The following PTGFR variants were observed in gnomAD, a reference collection of about 807,000 sequenced individuals.
PTGFR encodes the protein prostaglandin F receptor.
Under a neutral mutation model 26.2 loss-of-function variants are expected in PTGFR, and 15 were observed. The observed-to-expected ratio is 0.57, with a 90% CI of 0.38 to 0.88. The LOEUF (loss-of-function observed/expected upper bound fraction) is 0.88, where lower values mean the gene tolerates loss of function less well. PTGFR is among the 40% of genes least tolerant of loss of function. PTGFR has a pLI of 0.00. For synonymous variants in PTGFR, 165 were observed against 151.1 expected (o/e 1.09, Z -0.68); for missense variants, 369 against 427.2 (o/e 0.86, Z 1.20).
intron 2 of PTGFR, among the ~76,000 whole-genome samples, chr1:78,515,727 T>C (rs1650076802): frequency 1.3e-5 from 2 of 152,218 alleles, no homozygotes; most frequent in South Asian, 2.1e-4. Context: ...TATATGACCA[T>C]AGATTTTGTG....
intron 2 of PTGFR, among the ~76,000 whole-genome samples, chr1:78,499,763 A>T (rs1322932): frequency 0.029 from 4,398 of 152,332 alleles, 223 homozygotes; most frequent in African/African-American, 0.1. Context: ...GAGGAATTTC[A>T]TGGACATACT....
chr1:78,514,790 A>T (rs1483536930), intron 2 of PTGFR, among the ~76,000 whole-genome samples: 2 of 152,154 alleles, frequency 1.3e-5, no homozygotes, highest in African/African-American at 4.8e-5. Context: ...ATTTAGCGCC[A>T]ATGCCTTGGT....
intron 2 of PTGFR, among the ~76,000 whole-genome samples, chr1:78,510,214 A>G (rs755637218): frequency 6.6e-6 from 1 of 152,194 alleles, no homozygotes; most frequent in East Asian, 1.9e-4. Context: ...TGGAGGATGA[A>G]TGCATTAGTG....
chr1:78,496,933 G>A (rs1201314186), intron 2 of PTGFR, among the ~76,000 whole-genome samples: 2 of 122,482 alleles, frequency 1.6e-5, no homozygotes, highest in South Asian at 2.6e-4. Flanking sequence ...CTTTGTTGTG[G>A]CATATTTGTT....
In PTGFR at chr1:78,539,341, A is replaced by G. The variant is rs1203573632; in HGVS notation, c.*2654A>G. The G allele has an allele frequency of 6.6e-6, 1 of 152,124 alleles. No homozygotes were observed. The highest frequency in any genetic ancestry group is 1.5e-5 in the Non-Finnish European group (1 of 67,992). 9.4% of individuals were successfully genotyped at this position (152,124 alleles called of 1,614,324 possible). On this transcript the variant is annotated 3_prime_UTR_variant, in exon 3 of 3. Coordinates refer to ENST00000370757, the MANE Select transcript of PTGFR (RefSeq NM_000959.4). ...GTGCCTACTCTGAGTTTAGAACCCAAATAAGAGGACTTGTTAAATATAGAG... is the reference window on the plus strand; with the variant it reads ...GTGCCTACTCTGAGTTTAGAACCCAGATAAGAGGACTTGTTAAATATAGAG...
chr1:78,534,979 G>A (rs1421209112), intron 2 of PTGFR, among the ~76,000 whole-genome samples: 1 of 152,166 alleles, frequency 6.6e-6, no homozygotes, highest in African/African-American at 2.4e-5. Flanking sequence ...AAGTCAGGCT[G>A]TGGAATAACC....
intron 1 of PTGFR, among the ~76,000 whole-genome samples, 156 bp from the exon 2 acceptor site, chr1:78,492,516 C>A (rs1649429439): frequency 6.6e-6 from 1 of 152,196 alleles, no homozygotes; most frequent in Non-Finnish European, 1.5e-5. Flanking sequence ...AAATGTGGAA[C>A]CGCAGGCAGA....
chr1:78,515,308 G>A (rs1408676153), intron 2 of PTGFR, among the ~76,000 whole-genome samples: 1 of 151,948 alleles, frequency 6.6e-6, no homozygotes, highest in Non-Finnish European at 1.5e-5. Context: ...AGAGGGGAGG[G>A]GGATTAACGT....
chr1:78,535,963 C>G (rs1475767330), intron 2 of PTGFR, among the ~76,000 whole-genome samples: 2 of 152,104 alleles, frequency 1.3e-5, no homozygotes, highest in Admixed American at 1.3e-4. Flanking sequence ...TAAAATTTGT[C>G]ATATACCATT....
intron 2 of PTGFR, among the ~76,000 whole-genome samples, chr1:78,529,329 A>G (rs965977386): frequency 1.3e-5 from 2 of 152,156 alleles, no homozygotes; most frequent in African/African-American, 4.8e-5. Flanking sequence ...TCTTTAATTC[A>G]TAGATGGGAT....
chr1:78,506,465 T>C (rs1344710351), intron 2 of PTGFR, among the ~76,000 whole-genome samples: 1 of 152,090 alleles, frequency 6.6e-6, no homozygotes, highest in African/African-American at 2.4e-5. Context: ...AGGGAAATTC[T>C]TATTTTTCCA....
intron 2 of PTGFR, among the ~76,000 whole-genome samples, chr1:78,523,845 G>T (rs1452278245): frequency 6.6e-6 from 1 of 152,094 alleles, no homozygotes; most frequent in Non-Finnish European, 1.5e-5. Context: ...AGACTCAAAG[G>T]GTTTTTCACA....
In PTGFR at chr1:78,534,469, A is replaced by G. The variant is rs557318076; in HGVS notation, c.799-1937A>G. On this transcript the variant is annotated intron_variant, in intron 2 of 2. Coordinates refer to ENST00000370757, the MANE Select transcript of PTGFR (RefSeq NM_000959.4). ...ACATCCATAGAGATGTACACAAATA[A>G]TCCACATTAGTTTTGATTCTTTAGT... 4.4e-4 allele frequency among the ~76,000 whole-genome samples: 67 copies of G among 152,228 alleles called. No individual in the cohort carries two copies. The South Asian group carries it at 0.014, about 32-fold the overall frequency.
intron 2 of PTGFR, among the ~76,000 whole-genome samples, chr1:78,518,417 T>A (rs541911321): frequency 6.5e-4 from 99 of 152,234 alleles, no homozygotes; most frequent in African/African-American, 2.2e-3. Context: ...CACAGCTTTA[T>A]ACACACAAAA....
At chr1:78,531,321 T>C (rs1650501134) in intron 2 of PTGFR, among the ~76,000 whole-genome samples, 1 of 152,104 alleles carries the variant, frequency 6.6e-6, no homozygotes, top group African/African-American at 2.4e-5. Flanking sequence ...TGTAGCACCT[T>C]GAATCCCACC....
chr1:78,500,076 T>A (rs539826715), intron 2 of PTGFR, among the ~76,000 whole-genome samples: 5 of 152,144 alleles, frequency 3.3e-5, no homozygotes, highest in South Asian at 4.1e-4. Flanking sequence ...TTTTTTGGTA[T>A]TTTATCTCTG....
At chr1:78,518,530 G>C (rs927518793) in intron 2 of PTGFR, among the ~76,000 whole-genome samples, 1 of 147,092 alleles carries the variant, frequency 6.8e-6, no homozygotes, top group Non-Finnish European at 1.5e-5. Flanking sequence ...AAAGAGAAAG[G>C]TTCCACCACT....
chr1:78,508,373 T>G (rs1335496414), intron 2 of PTGFR, among the ~76,000 whole-genome samples: 1 of 152,220 alleles, frequency 6.6e-6, no homozygotes, highest in Non-Finnish European at 1.5e-5. Flanking sequence ...GCTGGAAACT[T>G]CATGGTTTTG....
intron 2 of PTGFR, among the ~76,000 whole-genome samples, chr1:78,498,670 C>G (rs1226324645): frequency 6.6e-6 from 1 of 152,066 alleles, no homozygotes; most frequent in Non-Finnish European, 1.5e-5. Context: ...ATGCAACAAA[C>G]CTGTACATGT....
Sources: allele counts gnomAD v4.1 joint callset (sites outside exome capture counted in the v4.1 genomes callset), GRCh38; gene constraint gnomAD v4.1.1; transcripts MANE v1.5; gene names NCBI Gene and HGNC (gene_info 2026-07-23, HGNC 2026-07-21).